DAB1: variants seen among roughly 807,000 people sequenced by gnomAD.
DAB1 encodes DAB adaptor protein 1.
DAB1 carries 15 observed loss-of-function variants against 64.6 expected under a neutral mutation model. The observed-to-expected ratio is 0.23, with a 90% CI of 0.16 to 0.36. DAB1 has a LOEUF of 0.36. Ranked by LOEUF, DAB1 falls within the 10% of genes least tolerant of loss-of-function variation. The probability of loss-of-function intolerance (pLI) is 1.00; values close to 1 mark genes in which losing one functional copy is unlikely to be tolerated. For missense variants in DAB1, 596 were observed against 706.7 expected, an observed-to-expected ratio of 0.84 and a Z score of 1.78; for synonymous variants, 235 against 251.9, an observed-to-expected ratio of 0.93 and a Z score of 0.64.
chr1:57,244,575 G>A (rs965247779), intron 2 of DAB1, among the ~76,000 whole-genome samples: 3 of 152,202 alleles, frequency 2.0e-5, no homozygotes, highest in South Asian at 4.1e-4. Flanking sequence ...ATGCAGGATA[G>A]CATTTGTTGT....
chr1:57,711,790 T>C (rs1231346825), intron 6 of DAB1, among the ~76,000 whole-genome samples: 1 of 152,168 alleles, frequency 6.6e-6, no homozygotes, highest in Non-Finnish European at 1.5e-5. Context: ...GGCCTCTACA[T>C]GTGATGAAGG....
chr1:57,054,470 CTTTTTTTTTTT>C (rs58175883), intron 9 of DAB1, among the ~76,000 whole-genome samples: 7 of 69,450 alleles, frequency 1.0e-4, no homozygotes, highest in Non-Finnish European at 1.8e-4. Flanking sequence ...CAGGAATGTG[CTTTTTTTTTTT>C]TTTTTTTTTT....
intron 6 of DAB1, among the ~76,000 whole-genome samples, chr1:57,730,559 T>C (rs191612053): frequency 3.3e-5 from 5 of 152,288 alleles, no homozygotes; most frequent in Non-Finnish European, 7.4e-5. Context: ...GGATACGTAG[T>C]CATTATAAAC....
intron 4 of DAB1, among the ~76,000 whole-genome samples, chr1:57,081,096 A>G (rs561891844): frequency 6.6e-6 from 1 of 152,288 alleles, no homozygotes; most frequent in Non-Finnish European, 1.5e-5. Context: ...CCCCATTTCC[A>G]GAAGGCATGT....
chr1:58,247,870 A>G (rs1259246739), intron 4 of DAB1, among the ~76,000 whole-genome samples: 1 of 139,154 alleles, frequency 7.2e-6, no homozygotes, highest in Non-Finnish European at 1.5e-5. Context: ...GACTTAAGCT[A>G]TCCCTGTCTC....
At chr1:57,020,597 T>C (rs1337671082) in intron 11 of DAB1, among the ~76,000 whole-genome samples, 14 of 152,176 alleles carry the variant, frequency 9.2e-5, no homozygotes, top group Admixed American at 9.2e-4. Flanking sequence ...CAGGCACTAA[T>C]TTCCAGGTAA....
rs578171760 is a variant in DAB1 at position 57,319,563 on chromosome 1, G to T, written c.-136-28397C>A. On this transcript the variant is annotated intron_variant, in intron 1 of 14. Transcript: ENST00000371236. ...CCCTCCCCCAATTCAGGTATTTTGT[G>T]TGACCTCTCTTAAGGCAATGAGCTC... 2.0e-5 allele frequency among the ~76,000 whole-genome samples: 3 copies of T among 152,190 alleles called. No individual in the cohort carries two copies. In the East Asian group the frequency reaches 5.8e-4, roughly 30 times the overall value.
chr1:57,224,486 A>G (rs1667112984), intron 2 of DAB1, among the ~76,000 whole-genome samples: 1 of 152,186 alleles, frequency 6.6e-6, no homozygotes, highest in Non-Finnish European at 1.5e-5. Flanking sequence ...ATCCTGACTG[A>G]GCCAAGATGC....
intron 5 of DAB1, among the ~76,000 whole-genome samples, chr1:58,005,608 T>TAAA (rs5774389): frequency 6.8e-5 from 9 of 133,042 alleles, no homozygotes; most frequent in African/African-American, 1.7e-4. Flanking sequence ...CTGCCTTGGT[T>TAAA]AAAAAAAAAA....
chr1:57,989,220 G>C (rs1646291341), intron 5 of DAB1, among the ~76,000 whole-genome samples: 1 of 152,144 alleles, frequency 6.6e-6, no homozygotes, highest in Admixed American at 6.5e-5. Flanking sequence ...TGCTGAGAAA[G>C]GAGCCTGATA....
chr1:58,220,303 C>T (rs1659089336), intron 4 of DAB1, among the ~76,000 whole-genome samples: 2 of 152,054 alleles, frequency 1.3e-5, no homozygotes, highest in Admixed American at 1.3e-4. Context: ...ACTGATGGCC[C>T]AAGAGATTCT....
chr1:57,053,688 A>ATATT lies in DAB1; in HGVS notation c.723+9195_723+9196insAATA, dbSNP rs1447741565. On this transcript the variant is annotated intron_variant, in intron 9 of 14. Transcript: ENST00000371236. ...TATGTATATATATATATATATATAT[A>ATATT]TTTTTTTTTTTTTTTTTGAGACGGA... Among the ~76,000 whole-genome samples, 156 of 71,378 alleles carry ATATT rather than the reference A, an allele frequency of 2.2e-3. 1 individual carries two copies. Among genetic ancestry groups the ATATT allele is most frequent in the South Asian group, 4.7e-3 (8 of 1,700 alleles). 46.8% of individuals were successfully genotyped at this position (71,378 alleles called of 152,430 possible).
intron 1 of DAB1, among the ~76,000 whole-genome samples, chr1:57,407,822 G>T (rs1308836582): frequency 6.6e-6 from 1 of 150,634 alleles, no homozygotes; most frequent in African/African-American, 2.4e-5. Context: ...GTACATATAT[G>T]AAATACTTGA....
intron 4 of DAB1, among the ~76,000 whole-genome samples, chr1:58,317,228 CT>C (rs1197670863): frequency 1.3e-5 from 2 of 152,346 alleles, no homozygotes; most frequent in African/African-American, 4.8e-5. Flanking sequence ...TCCATGGGAG[CT>C]GAGTGTTTGG....
intron 6 of DAB1, among the ~76,000 whole-genome samples, chr1:57,661,644 T>C (rs1646387670): frequency 6.6e-6 from 1 of 152,168 alleles, no homozygotes; most frequent in Non-Finnish European, 1.5e-5. Flanking sequence ...AAGTCCCTTA[T>C]ATAAAATGGA....
intron 1 of DAB1, among the ~76,000 whole-genome samples, chr1:57,311,845 C>A (rs1674737942): frequency 6.6e-6 from 1 of 152,126 alleles, no homozygotes; most frequent in African/African-American, 2.4e-5. Flanking sequence ...AATACAATGG[C>A]AATAAACATG....
chr1:57,109,674 T>A (rs1655484566), intron 4 of DAB1, among the ~76,000 whole-genome samples: 1 of 152,202 alleles, frequency 6.6e-6, no homozygotes, highest in South Asian at 2.1e-4. Flanking sequence ...TGCTCAGTGA[T>A]CCAGATGCAT....
intron 9 of DAB1, among the ~76,000 whole-genome samples, chr1:57,045,562 G>A (rs1000521846): frequency 2.6e-5 from 4 of 152,214 alleles, no homozygotes; most frequent in South Asian, 4.2e-4. Flanking sequence ...GCTGGGCATC[G>A]TGGCACATGT....
At chr1:58,165,169 A>G (rs942034569) in intron 4 of DAB1, among the ~76,000 whole-genome samples, 1 of 152,054 alleles carries the variant, frequency 6.6e-6, no homozygotes, top group Admixed American at 6.6e-5. Context: ...CCACATTCAC[A>G]CTGTTGCTTT....
Sources: gnomAD v4.1 joint callset for allele counts (sites outside exome capture counted in the v4.1 genomes callset) on GRCh38, gnomAD v4.1.1 for gene constraint, MANE v1.5 for transcripts, NCBI Gene and HGNC (gene_info 2026-07-23, HGNC 2026-07-21) for gene names.